The following ANKH variants were observed in gnomAD, a reference collection of about 807,000 sequenced individuals.
ANKH encodes ANKH inorganic pyrophosphate transport regulator, also known as mineralization regulator ANKH.
In ANKH, 15 loss-of-function variants were observed where a neutral mutation model predicts 49.0. The observed-to-expected ratio is 0.31, with a 90% CI of 0.20 to 0.47. The LOEUF is 0.47. Among genes scored for constraint, ANKH ranks in the 20% least tolerant of loss-of-function variants. ANKH has a pLI of 1.00. For synonymous variants in ANKH, 273 were observed against 260.0 expected, an observed-to-expected ratio of 1.05 and a Z score of -0.48; for missense variants, 429 against 652.0, an observed-to-expected ratio of 0.66 and a Z score of 3.72.
At chr5:14,757,436 T>A (rs1265477349) in intron 3 of ANKH, among the ~76,000 whole-genome samples, 12,510 of 105,964 alleles carry the variant, frequency 0.12, 488 homozygotes, top group Middle Eastern at 0.17. Flanking sequence ...ATATATTTTT[T>A]TTTTTTTTTT....
At chr5:14,810,887 T>TG (rs575215654) in intron 1 of ANKH, among the ~76,000 whole-genome samples, 111 of 152,350 alleles carry the variant, frequency 7.3e-4, no homozygotes, top group Middle Eastern at 6.8e-3. Context: ...CCTAGACTAC[T>TG]GGGTGGGATA....
chr5:14,787,080 G>T (rs890420011), intron 1 of ANKH, among the ~76,000 whole-genome samples: 1 of 151,898 alleles, frequency 6.6e-6, no homozygotes, highest in Non-Finnish European at 1.5e-5. Context: ...TTGGAAGGCT[G>T]AGGCAGGTGG....
At chr5:14,735,826 T>A (rs977755877) in intron 8 of ANKH, among the ~76,000 whole-genome samples, 10 of 152,040 alleles carry the variant, frequency 6.6e-5, no homozygotes, top group Non-Finnish European at 1.5e-5. Flanking sequence ...TATTTCCAAG[T>A]AAGGTCACAT....
intron 1 of ANKH, among the ~76,000 whole-genome samples, chr5:14,814,290 C>T (rs1224655576): frequency 2.0e-5 from 3 of 152,152 alleles, no homozygotes; most frequent in East Asian, 1.9e-4. Context: ...CAGCTTCTAG[C>T]GAATAGCAGG....
chr5:14,800,652 A>G (rs1740539301), intron 1 of ANKH, among the ~76,000 whole-genome samples: 1 of 152,070 alleles, frequency 6.6e-6, no homozygotes, highest in South Asian at 2.1e-4. Flanking sequence ...TTTAAGGTAT[A>G]TACACTGTTT....
chr5:14,747,679 C>T (rs1036958931), intron 6 of ANKH, among the ~76,000 whole-genome samples: 26 of 152,296 alleles, frequency 1.7e-4, no homozygotes, highest in African/African-American at 5.5e-4. Flanking sequence ...GCCTAGCCTG[C>T]GAAGGAGGAG....
intron 1 of ANKH, among the ~76,000 whole-genome samples, chr5:14,813,639 C>T (rs1027507614): frequency 6.6e-6 from 1 of 152,196 alleles, no homozygotes; most frequent in Non-Finnish European, 1.5e-5. Context: ...GTAGCCCCTG[C>T]CCACGGCGTC....
intron 1 of ANKH, among the ~76,000 whole-genome samples, chr5:14,805,726 T>G (rs1398550682): frequency 6.6e-6 from 1 of 152,028 alleles, no homozygotes; most frequent in Non-Finnish European, 1.5e-5. Context: ...CCTGACACAA[T>G]GTTATTAAAG....
In ANKH at chr5:14,758,368, C is replaced by T. The variant is rs886332485; in HGVS notation, c.432+112G>A. ...GTTACACAATAATGTGAATGTACTTCCTGCCATTAAGCTGTACACACAAAA... is the reference window on the plus strand; with the variant it reads ...GTTACACAATAATGTGAATGTACTTTCTGCCATTAAGCTGTACACACAAAA... On this transcript the variant is annotated intron_variant, in intron 3 of 11. Coordinates refer to ENST00000284268, the MANE Select transcript of ANKH (RefSeq NM_054027.6). 9.9e-5 allele frequency: 79 copies of T among 796,896 alleles called. No individual in the cohort carries two copies. The African/African-American group carries it at 1.3e-3, about 13-fold the overall frequency. The allele number at this position is 796,896 out of a possible 1,614,324, so 49.4% of individuals were successfully genotyped here. A position where few individuals can be genotyped will look rare whatever the true frequency, so the allele number is the denominator to read the frequency against.
At position 14,749,372 on chromosome 5, in the gene ANKH, A is replaced by T. The variant is rs183007526; in HGVS notation, c.688-66T>A. ...AAGCAGAATGGAAAAAACGATTCAG[A>T]ATCAAAGCTTTTCCTTCGTATGTTA... On this transcript the variant is annotated intron_variant, in intron 5 of 11. Transcript: ENST00000284268. 9.6e-6 allele frequency: 15 copies of T among 1,568,492 alleles called. No individual in the cohort carries two copies. The Admixed American group carries it at 2.3e-4, about 24-fold the overall frequency.
At chr5:14,826,996 A>T (rs1741362000) in intron 1 of ANKH, among the ~76,000 whole-genome samples, 1 of 151,964 alleles carries the variant, frequency 6.6e-6, no homozygotes, top group South Asian at 2.1e-4. Context: ...TCCTGACCAA[A>T]CCTCTTCCCT....
rs749761073 is a variant in ANKH, at chr5:14,758,549, G to A, written c.363C>T (p.Asp121=). Residue 121 remains aspartate (D), a synonymous_variant, in exon 3 of 12, where the codon GAC becomes GAT. Transcript: ENST00000284268. ...YYIINKLHHV[D]ESVGSKTRRA... Reference sequence around the variant, plus strand: ...TTCTCGTCTTGCTCCCCACCGACTCGTCCACATGGTGCAGTTTATTGATAA... The same window carrying A: ...TTCTCGTCTTGCTCCCCACCGACTCATCCACATGGTGCAGTTTATTGATAA... 23 of 1,614,066 alleles carry A rather than the reference G, an allele frequency of 1.4e-5. No individual in the cohort carries two copies. Among genetic ancestry groups the A allele is most frequent in the East Asian group, 4.5e-5 (2 of 44,906 alleles).
At chr5:14,861,589 A>C (rs1035383161) in intron 1 of ANKH, among the ~76,000 whole-genome samples, 2 of 152,064 alleles carry the variant, frequency 1.3e-5, no homozygotes, top group African/African-American at 2.4e-5. Flanking sequence ...TCACCTCCTC[A>C]TGCTCCAGAG....
chr5:14,729,164 CT>C (rs1737914590), intron 8 of ANKH, among the ~76,000 whole-genome samples: 1 of 152,184 alleles, frequency 6.6e-6, no homozygotes, highest in South Asian at 2.1e-4. Flanking sequence ...AGTAATTCTC[CT>C]GCCTCAGCCT....
intron 1 of ANKH, among the ~76,000 whole-genome samples, chr5:14,782,082 T>A (rs1739825424): frequency 2.0e-5 from 3 of 152,126 alleles, no homozygotes; most frequent in African/African-American, 4.8e-5. Flanking sequence ...AGAATCTCCA[T>A]TCCTTCTTCT....
intron 1 of ANKH, among the ~76,000 whole-genome samples, chr5:14,858,308 T>C (rs1466843651): frequency 6.6e-6 from 1 of 152,216 alleles, no homozygotes; most frequent in Non-Finnish European, 1.5e-5. Flanking sequence ...ATCATTCTTA[T>C]GTCTTTATAT....
intron 1 of ANKH, among the ~76,000 whole-genome samples, chr5:14,817,289 T>C (rs1041714680): frequency 1.3e-5 from 2 of 152,078 alleles, no homozygotes; most frequent in South Asian, 2.1e-4. Context: ...TAGGTTTCTA[T>C]GTGTGACGCT....
At chr5:14,828,532 C>A (rs568304414) in intron 1 of ANKH, among the ~76,000 whole-genome samples, 2 of 151,958 alleles carry the variant, frequency 1.3e-5, no homozygotes, top group Non-Finnish European at 1.5e-5. Context: ...CAAAAACAAA[C>A]AAAAAAACAA....
In ANKH at chr5:14,757,371, C is replaced by T. The variant is rs558389761; in HGVS notation, c.432+1109G>A. 2.5e-4 allele frequency among the ~76,000 whole-genome samples: 37 copies of T among 146,308 alleles called. 1 individual carries two copies. The South Asian group carries it at 3.9e-3, about 15-fold the overall frequency. On this transcript the variant is annotated intron_variant, in intron 3 of 11. Transcript: ENST00000284268. ...TTCCAAGAATAATTCGAAATGGAGC[C>T]AAAGGAAAGGGTTTACTTTCCAGCA...
Sources: gnomAD v4.1 joint callset for allele counts (sites outside exome capture counted in the v4.1 genomes callset) on GRCh38, gnomAD v4.1.1 for gene constraint, MANE v1.5 for transcripts, NCBI Gene and HGNC (gene_info 2026-07-23, HGNC 2026-07-21) for gene names.